PAPSS1: variants seen among roughly 807,000 people sequenced by gnomAD.
PAPSS1 encodes the protein bifunctional 3'-phosphoadenosine 5'-phosphosulfate synthase 1.
In PAPSS1, 50 loss-of-function variants were observed where a neutral mutation model predicts 72.0. That is an observed-to-expected ratio of 0.69 (90% CI 0.55 to 0.88). PAPSS1 has a LOEUF of 0.88. Among genes scored for constraint, PAPSS1 ranks in the 40% least tolerant of loss-of-function variants. The pLI is 0.00. For synonymous variants in PAPSS1, 261 were observed against 263.6 expected, an observed-to-expected ratio of 0.99 and a Z score of 0.09; for missense variants, 657 against 782.2, an observed-to-expected ratio of 0.84 and a Z score of 1.91.
chr4:107,658,649 A>T (rs868336061), intron 6 of PAPSS1, among the ~76,000 whole-genome samples: 10 of 152,302 alleles, frequency 6.6e-5, no homozygotes, highest in Admixed American at 1.3e-4. Flanking sequence ...TTCCCAGAGT[A>T]TGTTTGCCAA....
At chr4:107,631,133 T>C (rs1726216112) in intron 11 of PAPSS1, among the ~76,000 whole-genome samples, 1 of 152,208 alleles carries the variant, frequency 6.6e-6, no homozygotes, top group South Asian at 2.1e-4. Context: ...CATTCAAATA[T>C]TCAAATATTC....
Position 107,676,574 on chromosome 4 carries a change from A to G in PAPSS1, c.669+5441T>C, listed in dbSNP as rs1727657003. Among the ~76,000 whole-genome samples the G allele has an allele frequency of 3.9e-5, 6 of 152,366 alleles. No homozygotes were observed. The South Asian group carries it at 1.2e-3, about 32-fold the overall frequency. On this transcript the variant is annotated intron_variant, in intron 5 of 11. Coordinates refer to ENST00000265174, the MANE Select transcript of PAPSS1 (RefSeq NM_005443.5). ...GGAAGAACATTCCATGCTCATGGGTAGGAAGAATCAATATCATGAAAATGG... is the reference window on the plus strand; with the variant it reads ...GGAAGAACATTCCATGCTCATGGGTGGGAAGAATCAATATCATGAAAATGG...
chr4:107,650,584 T>C (rs143626396), intron 9 of PAPSS1, among the ~76,000 whole-genome samples: 3 of 152,324 alleles, frequency 2.0e-5, no homozygotes, highest in East Asian at 1.9e-4. Flanking sequence ...CCATTAAACA[T>C]GTTTCTGTTC....
chr4:107,698,046 A>G (rs1450463688), intron 2 of PAPSS1, among the ~76,000 whole-genome samples: 1 of 152,210 alleles, frequency 6.6e-6, no homozygotes, highest in Non-Finnish European at 1.5e-5. Context: ...TCAAACTTCT[A>G]GCCTCGAGAA....
chr4:107,712,770 G>A (rs1187609596), intron 1 of PAPSS1, among the ~76,000 whole-genome samples: 5 of 151,846 alleles, frequency 3.3e-5, no homozygotes, highest in Admixed American at 1.3e-4. Context: ...CTACTCGCAA[G>A]GTTGAGGCAG....
intron 3 of PAPSS1, among the ~76,000 whole-genome samples, chr4:107,687,708 A>G (rs1195035046): frequency 6.6e-6 from 1 of 152,140 alleles, no homozygotes; most frequent in African/African-American, 2.4e-5. Flanking sequence ...GCTCCCTCTA[A>G]GCCCTCTCCA....
intron 5 of PAPSS1, among the ~76,000 whole-genome samples, chr4:107,665,803 C>A (rs1727300303): frequency 6.6e-6 from 1 of 152,012 alleles, no homozygotes; most frequent in Admixed American, 6.5e-5. Flanking sequence ...ATGTTGTATC[C>A]AAAAACAGAC....
chr4:107,673,996 C>T (rs866572550), intron 5 of PAPSS1, among the ~76,000 whole-genome samples: 9 of 152,100 alleles, frequency 5.9e-5, no homozygotes, highest in Non-Finnish European at 5.9e-5. Context: ...CAAGCAAATG[C>T]TAAGAGATTT....
chr4:107,716,086 C>A (rs1213481389), intron 1 of PAPSS1, among the ~76,000 whole-genome samples: 1 of 152,216 alleles, frequency 6.6e-6, no homozygotes, highest in Non-Finnish European at 1.5e-5. Context: ...AGCTACCGAG[C>A]TACTTTGCAT....
At chr4:107,710,181 C>T (rs1723450147) in intron 1 of PAPSS1, among the ~76,000 whole-genome samples, 1 of 152,110 alleles carries the variant, frequency 6.6e-6, no homozygotes, top group South Asian at 2.1e-4. Context: ...AATTTCTATT[C>T]TTGGCTTTCT....
At chr4:107,649,046 T>C (rs1726773389) in intron 9 of PAPSS1, among the ~76,000 whole-genome samples, 1 of 152,256 alleles carries the variant, frequency 6.6e-6, no homozygotes, top group South Asian at 2.1e-4. Context: ...TAAAGTAAGA[T>C]GTTGACTACA....
rs1725766828 is a variant in PAPSS1 at position 107,614,399 on chromosome 4, GAAAA to G, written c.1737-16_1737-13del. 6.3e-7 allele frequency: 1 copy of G among 1,581,558 alleles called. No individual in the cohort carries two copies. Among genetic ancestry groups the G allele is most frequent in the Non-Finnish European group, 8.6e-7 (1 of 1,163,842 alleles). On this transcript the variant is annotated splice_polypyrimidine_tract_variant and intron_variant, in intron 11 of 11. Coordinates refer to ENST00000265174, the MANE Select transcript of PAPSS1 (RefSeq NM_005443.5). ...CAAAGTCTTCATGGCTAAAGGAGAG[GAAAA>G]AAAGAAAATTATTTCATAATTTTAG... is the stretch of plus-strand genomic sequence containing the variant.
chr4:107,698,086 T>G (rs1323929174), intron 2 of PAPSS1, among the ~76,000 whole-genome samples: 1 of 152,210 alleles, frequency 6.6e-6, no homozygotes, highest in Non-Finnish European at 1.5e-5. Flanking sequence ...TTCCACCTAT[T>G]TTGTGGTTAA....
At chr4:107,658,738 T>C (rs1356999298) in intron 6 of PAPSS1, among the ~76,000 whole-genome samples, 3 of 152,232 alleles carry the variant, frequency 2.0e-5, no homozygotes, top group South Asian at 4.1e-4. Context: ...AAACCTTTGA[T>C]GGTGGCTACT....
intron 2 of PAPSS1, among the ~76,000 whole-genome samples, chr4:107,699,212 C>A (rs866573216): frequency 2.6e-5 from 4 of 151,522 alleles, no homozygotes; most frequent in South Asian, 2.1e-4. Context: ...TAAATAACAA[C>A]AGAGTTCAGG....
rs571019338 is a variant in PAPSS1 at position 107,709,620 on chromosome 4, T to A, written c.61-8335A>T. On this transcript the variant is annotated intron_variant, in intron 1 of 11. Transcript: ENST00000265174. The stretch of plus-strand genomic sequence containing the variant: ...CAGATGACATCGCTATTGTAGAACC[T>A]AAGATTGGCCTTTTGAGATGTCTTT... Among the ~76,000 whole-genome samples, 3 of 152,318 alleles carry A rather than the reference T, an allele frequency of 2.0e-5. No homozygotes were observed. In the South Asian group the frequency reaches 6.2e-4, roughly 32 times the overall value.
At chr4:107,638,972 C>T (rs1355057616) in intron 10 of PAPSS1, among the ~76,000 whole-genome samples, 1 of 152,062 alleles carries the variant, frequency 6.6e-6, no homozygotes, top group Non-Finnish European at 1.5e-5. Flanking sequence ...CTGTGTGACC[C>T]CAAAACCCAC....
intron 3 of PAPSS1, among the ~76,000 whole-genome samples, chr4:107,693,092 A>T (rs751519511): frequency 8.5e-5 from 13 of 152,164 alleles, no homozygotes; most frequent in Admixed American, 2.0e-4. Flanking sequence ...ACCATGGCAC[A>T]CGTTTACCAA....
intron 5 of PAPSS1, among the ~76,000 whole-genome samples, chr4:107,669,542 G>A (rs1727417918): frequency 6.6e-6 from 1 of 152,154 alleles, no homozygotes; most frequent in Non-Finnish European, 1.5e-5. Flanking sequence ...TTAATTCACT[G>A]CCACATCCGC....
Sources: allele counts gnomAD v4.1 joint callset (sites outside exome capture counted in the v4.1 genomes callset), GRCh38; gene constraint gnomAD v4.1.1; transcripts MANE v1.5; gene names NCBI Gene and HGNC (gene_info 2026-07-23, HGNC 2026-07-21).